Variants in ATP8A2 observed in about 807,000 individuals in gnomAD.
ATP8A2 encodes the protein ATPase phospholipid transporting 8A2, also known as phospholipid-transporting ATPase IB.
In ATP8A2, 100 loss-of-function variants were observed where a neutral mutation model predicts 165.6. The ratio of observed to expected loss-of-function variants is 0.60; its 90% CI spans 0.51 to 0.71. The LOEUF (loss-of-function observed/expected upper bound fraction) is 0.71. Among genes scored for constraint, ATP8A2 ranks in the 30% least tolerant of loss-of-function variants. ATP8A2 has a pLI of 0.00. For missense variants in ATP8A2, 1,227 were observed against 1,479.5 expected (o/e 0.83, Z 2.80); for synonymous variants, 543 against 548.8 (o/e 0.99, Z 0.15).
intron 33 of ATP8A2, among the ~76,000 whole-genome samples, chr13:25,955,743 A>AAGG (rs1183934895): frequency 1.3e-5 from 2 of 152,198 alleles, no homozygotes; most frequent in African/African-American, 4.8e-5. Flanking sequence ...TCCAAACAAT[A>AAGG]GAAAAAGAGG....
At chr13:25,574,077 G>A (rs1350607336) in intron 18 of ATP8A2, among the ~76,000 whole-genome samples, 1 of 152,178 alleles carries the variant, frequency 6.6e-6, no homozygotes, top group Non-Finnish European at 1.5e-5. Context: ...TTTCCACTGT[G>A]AAGTGTTGGG....
Position 25,469,058 on chromosome 13 carries a change from C to T in ATP8A2, c.158C>T (p.Ala53Val), listed in dbSNP as rs202073376. The T allele has an allele frequency of 6.9e-4, 1,118 of 1,613,980 alleles. 6 individuals carry two copies. The highest frequency in any genetic ancestry group is 6.5e-4 in the Non-Finnish European group (769 of 1,179,928). The change falls in exon 2 of 37, where the codon GCA (alanine) becomes GTA (valine). Residue 53 changes from alanine (A) to valine (V), a missense_variant. Physicochemically the swap from Ala to Val is moderately conservative, Grantham distance 64. Around this residue, in one of 5 missense-constraint regions of ATP8A2, gnomAD observed 356 missense variants for 394.9 expected, o/e 0.90. Coordinates refer to ENST00000381655, the MANE Select transcript of ATP8A2 (RefSeq NM_016529.6). ...ACGTCTGTTGGAGACCAGCTGGAGG[C>T]ACCCGCCCGCACCATTTACCTCAAC... The part of the protein sequence containing the change: ...RATSVGDQLE[A>V]PARTIYLNQP...
At chr13:25,815,232 CA>C (rs1257338344) in intron 27 of ATP8A2, among the ~76,000 whole-genome samples, 5 of 152,184 alleles carry the variant, frequency 3.3e-5, no homozygotes, top group African/African-American at 1.2e-4. Context: ...TTTTGCCCTT[CA>C]AAAGATTCTA....
chr13:25,752,750 A>G (rs1162157714), intron 25 of ATP8A2, among the ~76,000 whole-genome samples: 1 of 152,146 alleles, frequency 6.6e-6, no homozygotes, highest in Non-Finnish European at 1.5e-5. Context: ...ATTATGTGAT[A>G]TTAGTCTACT....
intron 24 of ATP8A2, among the ~76,000 whole-genome samples, chr13:25,685,131 T>C (rs1200315954): frequency 2.0e-5 from 3 of 152,132 alleles, no homozygotes; most frequent in Non-Finnish European, 4.4e-5. Context: ...CTATGAAGGC[T>C]GATAAGCCAT....
intron 10 of ATP8A2, among the ~76,000 whole-genome samples, chr13:25,550,516 C>T (rs934758130): frequency 2.0e-5 from 3 of 152,162 alleles, no homozygotes. Flanking sequence ...TCCACCTGAA[C>T]TGGAGTGATT....
chr13:25,679,100 G>A (rs1339952896), intron 24 of ATP8A2, among the ~76,000 whole-genome samples: 4 of 152,152 alleles, frequency 2.6e-5, no homozygotes, highest in Admixed American at 2.6e-4. Context: ...GCAATGGGAG[G>A]AAGGCAATAG....
chr13:25,964,643 A>G (rs1330979391), intron 34 of ATP8A2, among the ~76,000 whole-genome samples: 1 of 152,184 alleles, frequency 6.6e-6, no homozygotes, highest in Non-Finnish European at 1.5e-5. Context: ...GTTGTCAAGT[A>G]TCTACTGAGG....
At chr13:25,748,068 G>A (rs1211958232) in intron 25 of ATP8A2, among the ~76,000 whole-genome samples, 2 of 152,134 alleles carry the variant, frequency 1.3e-5, no homozygotes, top group Non-Finnish European at 2.9e-5. Context: ...ATTCCAATTT[G>A]AGAAAAAAAT....
chr13:25,853,396 A>ATAT (rs59573616), intron 30 of ATP8A2, among the ~76,000 whole-genome samples: 3,379 of 107,706 alleles, frequency 0.031, 98 homozygotes, highest in African/African-American at 0.055. Flanking sequence ...ATCTAAAAAA[A>ATAT]ATATATATAT....
At chr13:25,845,259 C>G (rs952792968) in intron 30 of ATP8A2, among the ~76,000 whole-genome samples, 1 of 152,166 alleles carries the variant, frequency 6.6e-6, no homozygotes, top group African/African-American at 2.4e-5. Flanking sequence ...CAGCCCACAC[C>G]CGGGTTTCCT....
chr13:25,391,476 C>T (rs1270694714), intron 1 of ATP8A2, among the ~76,000 whole-genome samples: 2 of 152,220 alleles, frequency 1.3e-5, no homozygotes, highest in African/African-American at 4.8e-5. Flanking sequence ...AGTTAAAAAT[C>T]ATAATCCCTT....
At chr13:25,753,355 CAT>C (rs2044194631) in intron 25 of ATP8A2, among the ~76,000 whole-genome samples, 1 of 152,228 alleles carries the variant, frequency 6.6e-6, no homozygotes, top group Non-Finnish European at 1.5e-5. Flanking sequence ...AGTGCTGACT[CAT>C]GTGAATGTTG....
intron 35 of ATP8A2, among the ~76,000 whole-genome samples, chr13:25,994,439 C>A (rs1956455031): frequency 6.6e-6 from 1 of 152,062 alleles, no homozygotes; most frequent in African/African-American, 2.4e-5. Flanking sequence ...AAATGGTCAT[C>A]CTTGCCTTGT....
intron 32 of ATP8A2, 71 bp from the exon 33 acceptor site, chr13:25,862,230 A>T (rs1952377005): frequency 9.5e-7 from 1 of 1,057,596 alleles, no homozygotes; most frequent in Non-Finnish European, 1.5e-6. Context: ...AGGATTCTGC[A>T]GCAAGTGGAG....
chr13:25,373,828 T>C (rs1235020332), intron 1 of ATP8A2, among the ~76,000 whole-genome samples: 1 of 151,804 alleles, frequency 6.6e-6, no homozygotes, highest in South Asian at 2.1e-4. Context: ...CTCCGGGGAG[T>C]GTGCAAGGCC....
chr13:25,897,148 G>T (rs935091478), intron 33 of ATP8A2, among the ~76,000 whole-genome samples: 1 of 152,132 alleles, frequency 6.6e-6, no homozygotes, highest in Non-Finnish European at 1.5e-5. Context: ...TTACAGTTTG[G>T]CATGTTTTTG....
At chr13:25,603,275 C>T (rs982891992) in intron 24 of ATP8A2, among the ~76,000 whole-genome samples, 1 of 151,768 alleles carries the variant, frequency 6.6e-6, no homozygotes, top group Admixed American at 6.6e-5. Context: ...GTCGCTTGAG[C>T]CCAGGAGTTC....
intron 33 of ATP8A2, among the ~76,000 whole-genome samples, chr13:25,869,884 C>T (rs924441875): frequency 4.6e-5 from 7 of 152,166 alleles, no homozygotes; most frequent in Admixed American, 2.0e-4. Flanking sequence ...TTTAGCTGTC[C>T]GTAGGCAGCT....
Sources: gnomAD v4.1 joint callset for allele counts (sites outside exome capture counted in the v4.1 genomes callset) on GRCh38, gnomAD v4.1.1 for gene constraint, gnomAD v4.1.1 regional missense constraint, MANE v1.5 for transcripts, NCBI Gene and HGNC (gene_info 2026-07-23, HGNC 2026-07-21) for gene names.